Variants in HFE observed in about 807,000 individuals in gnomAD.
HFE encodes the protein hereditary hemochromatosis protein.
Under a neutral mutation model 40.9 loss-of-function variants are expected in HFE, and 36 were observed. That is an observed-to-expected ratio of 0.88 (90% CI 0.67 to 1.16). HFE has a LOEUF of 1.16. HFE is among the 50% of genes most tolerant of loss of function. The pLI is 0.00. For missense variants in HFE, 376 were observed against 432.0 expected (o/e 0.87, Z 1.15); for synonymous variants, 157 against 165.4 (o/e 0.95, Z 0.39).
chr6:26,090,771 G>C (rs767246894), intron 1 of HFE, 70 bp from the exon 2 acceptor site: 1 of 1,485,154 alleles, frequency 6.7e-7, no homozygotes, highest in Non-Finnish European at 9.4e-7. Context: ...AGTTGATGCA[G>C]GTGTGTGGAG....
At chr6:26,090,074 G>C (rs969741049) in intron 1 of HFE, among the ~76,000 whole-genome samples, 1 of 152,192 alleles carries the variant, frequency 6.6e-6, no homozygotes, top group African/African-American at 2.4e-5. Context: ...TCAAGGATCT[G>C]CATTTGGACA....
intron 1 of HFE, among the ~76,000 whole-genome samples, chr6:26,089,108 T>TGGGGGGGGGGG: frequency 1.8e-5 from 1 of 56,358 alleles, no homozygotes; most frequent in East Asian, 4.5e-4. Flanking sequence ...TGTGTGTGTG[T>TGGGGGGGGGGG]GGGGGGGGGG....
At position 26,087,490 on chromosome 6, in the gene HFE, C is replaced by T. The variant is rs143662783; in HGVS notation, c.50C>T (p.Thr17Ile). The T allele has an allele frequency of 7.7e-4, 1,240 of 1,613,906 alleles. 2 individuals carry two copies. Among genetic ancestry groups the T allele is most frequent in the Non-Finnish European group, 1.0e-3 (1,185 of 1,179,950 alleles). The stretch of plus-strand genomic sequence containing the variant: ...CTTCTCCTCCTGATGCTTTTGCAGA[C>T]CGCGGTCCTGCAGGGGCGCTTGCTG... ...PALLLLMLLQ[T>I]AVLQGRLLRS... Residue 17 changes from threonine to isoleucine, a missense_variant, in exon 1 of 6, where the codon ACC becomes ATC. Coordinates refer to ENST00000357618, the MANE Select transcript of HFE (RefSeq NM_000410.4).
chr6:26,089,123 G>GGGGGGGGGGGA (rs1762495590), intron 1 of HFE, among the ~76,000 whole-genome samples: 1 of 121,296 alleles, frequency 8.2e-6, no homozygotes, highest in African/African-American at 3.2e-5. Context: ...GGGGGGGGCG[G>GGGGGGGGGGGA]CGTGGGGGTG....
chr6:26,092,552 G>T, intron 3 of HFE, 133 bp from the exon 4 acceptor site: 1 of 1,527,606 alleles, frequency 6.5e-7, no homozygotes. Flanking sequence ...ACAAAATGGT[G>T]TCTCTCCTGT....
intron 1 of HFE, among the ~76,000 whole-genome samples, chr6:26,089,106 T>TGGGGGGGG (rs576461485): frequency 3.4e-4 from 2 of 5,864 alleles, no homozygotes; most frequent in African/African-American, 1.1e-3. Context: ...TGTGTGTGTG[T>TGGGGGGGG]GTGGGGGGGG....
Position 26,091,219 on chromosome 6 carries a change from G to A in HFE, c.341-95G>A, listed in dbSNP as rs995983496. 7.5e-6 allele frequency: 12 copies of A among 1,604,400 alleles called. No individual in the cohort carries two copies. In the East Asian group the frequency reaches 1.1e-4, roughly 15 times the overall value. ...TCTTGTGGGAGCAGGGAAGAGGGAAGGAATTTGCTTCCTGAGATCATTTGG... is the reference window on the plus strand; with the variant it reads ...TCTTGTGGGAGCAGGGAAGAGGGAAAGAATTTGCTTCCTGAGATCATTTGG... On this transcript the variant is annotated intron_variant, in intron 2 of 5. Coordinates refer to ENST00000357618, the MANE Select transcript of HFE (RefSeq NM_000410.4).
intron 3 of HFE, among the ~76,000 whole-genome samples, chr6:26,092,173 TAAAAAAAAAA>T (rs34225963): frequency 1.0e-5 from 1 of 98,744 alleles, no homozygotes; most frequent in African/African-American, 4.3e-5. Flanking sequence ...GACTCCATCT[TAAAAAAAAAA>T]AAAAAAAAAA....
At chr6:26,088,955 A>G (rs1762473709) in intron 1 of HFE, among the ~76,000 whole-genome samples, 2 of 152,234 alleles carry the variant, frequency 1.3e-5, no homozygotes, top group South Asian at 4.1e-4. Flanking sequence ...CAGAGAAGTC[A>G]GGGCAAGTCA....
chr6:26,094,350 C>G lies in HFE; in HGVS notation c.*124C>G, dbSNP rs539178213. 1.4e-5 allele frequency: 13 copies of G among 902,530 alleles called. No individual in the cohort carries two copies. Among genetic ancestry groups the G allele is most frequent in the Non-Finnish European group, 2.3e-5 (13 of 557,884 alleles). 55.9% of individuals were successfully genotyped at this position (902,530 alleles called of 1,614,324 possible). On this transcript the variant is annotated 3_prime_UTR_variant, in exon 6 of 6. Coordinates refer to ENST00000357618, the MANE Select transcript of HFE (RefSeq NM_000410.4). ...CTAAACATAGAAATTGCCTGACGAA[C>G]TCCTTGATTTTAGCCTTCTCTGTTC...
In HFE at chr6:26,091,308, T is replaced by C; in HGVS notation, c.341-6T>C. The C allele has an allele frequency of 6.2e-7, 1 of 1,614,168 alleles. No homozygotes were observed. Among genetic ancestry groups the C allele is most frequent in the Non-Finnish European group, 8.5e-7 (1 of 1,180,026 alleles). ...TTGCAGTTAACAAGGCTGGGGATTT[T>C]TCCAGAGTCCCACACCCTGCAGGTC... On this transcript the variant is annotated splice_polypyrimidine_tract_variant and splice_region_variant and intron_variant, in intron 2 of 5. Coordinates refer to ENST00000357618, the MANE Select transcript of HFE (RefSeq NM_000410.4).
intron 4 of HFE, 59 bp from the exon 5 acceptor site, chr6:26,093,060 T>C (rs1415856834): frequency 1.4e-5 from 22 of 1,613,728 alleles, no homozygotes; most frequent in Middle Eastern, 1.7e-4. Flanking sequence ...ATCTGCTCTT[T>C]GTTAGGGGGT....
intron 1 of HFE, among the ~76,000 whole-genome samples, chr6:26,090,279 C>T (rs896670413): frequency 2.6e-5 from 4 of 151,588 alleles, no homozygotes; most frequent in African/African-American, 7.3e-5. Context: ...CCCATGTCTA[C>T]TAAAAATACA....
chr6:26,087,524 C>T lies in HFE; in HGVS notation c.76+8C>T, dbSNP rs1354115687. 1 of 1,609,308 alleles carries T rather than the reference C, an allele frequency of 6.2e-7. No individual in the cohort carries two copies. The highest frequency in any genetic ancestry group is 8.5e-7 in the Non-Finnish European group (1 of 1,176,346). Reference sequence around the variant, plus strand: ...TGCAGGGGCGCTTGCTGCGTGAGTCCGAGGGCTGCGGGCGAACTAGGGGCG... The same window carrying T: ...TGCAGGGGCGCTTGCTGCGTGAGTCTGAGGGCTGCGGGCGAACTAGGGGCG... On this transcript the variant is annotated splice_region_variant and intron_variant, in intron 1 of 5. Transcript: ENST00000357618.
At chr6:26,094,112 A>G in intron 5 of HFE, 74 bp from the exon 6 acceptor site, 1 of 1,409,282 alleles carries the variant, frequency 7.1e-7, no homozygotes, top group Non-Finnish European at 1.0e-6. Flanking sequence ...GAATGAGGAA[A>G]ATAAGGAAGA....
At chr6:26,093,684 G>T (rs1355008568) in intron 5 of HFE, among the ~76,000 whole-genome samples, 1 of 151,848 alleles carries the variant, frequency 6.6e-6, no homozygotes, top group East Asian at 1.9e-4. Flanking sequence ...ATTCCATTAG[G>T]TGAGGTTGAA....
rs1183193280 is a variant in HFE, at chr6:26,090,915, G to A, written c.151G>A (p.Gly51Ser). ...DLGLSLFEAL[G>S]YVDDQLFVFY... ...TGGTCTTTCCTTGTTTGAAGCTTTG[G>A]GCTACGTGGATGACCAGCTGTTCGT... The change falls in exon 2 of 6, where the codon GGC becomes AGC. Residue 51 changes from glycine (G) to serine (S), a missense_variant. Gly to Ser is a moderately conservative substitution (Grantham distance 56). Transcript: ENST00000357618. 2 of 1,614,104 alleles carry A rather than the reference G, an allele frequency of 1.2e-6. No homozygotes were observed. Among genetic ancestry groups the A allele is most frequent in the Admixed American group, 3.3e-5 (2 of 60,018 alleles).
chr6:26,096,578 C>CT lies in HFE; in HGVS notation c.*2355dup, dbSNP rs1488811923. The CT allele has an allele frequency of 1.5e-5, 7 of 456,142 alleles. No homozygotes were observed. The highest frequency in any genetic ancestry group is 2.6e-5 in the Non-Finnish European group (6 of 226,782). 28.3% of individuals were successfully genotyped at this position (456,142 alleles called of 1,614,324 possible). A position where few individuals can be genotyped will look rare whatever the true frequency, so the allele number is the denominator to read the frequency against. ...ACCATATACAGCTCAGAAGTTTCTTCTTTAGGCATTAAATTTTAGCAAAGA... is the reference window on the plus strand; with the variant it reads ...ACCATATACAGCTCAGAAGTTTCTTCTTTTAGGCATTAAATTTTAGCAAAGA... On this transcript the variant is annotated 3_prime_UTR_variant, in exon 6 of 6. Transcript: ENST00000357618.
At chr6:26,093,408 A>C (rs193259320) in intron 5 of HFE, among the ~76,000 whole-genome samples, 176 bp downstream of exon 5, 56 of 152,234 alleles carry the variant, frequency 3.7e-4, no homozygotes, top group Non-Finnish European at 6.5e-4. Context: ...GAAAGTCTCT[A>C]ATTCAACAAA....
Sources: allele counts gnomAD v4.1 joint callset (sites outside exome capture counted in the v4.1 genomes callset), GRCh38; gene constraint gnomAD v4.1.1; transcripts MANE v1.5; gene names NCBI Gene and HGNC (gene_info 2026-07-23, HGNC 2026-07-21).